C12orf54: variants seen among roughly 807,000 people sequenced by gnomAD.
The protein encoded by C12orf54 is chromosome 12 open reading frame 54, also known as uncharacterized protein C12orf54.
In C12orf54, 24 loss-of-function variants were observed where a neutral mutation model predicts 26.4. The ratio of observed to expected loss-of-function variants is 0.91; its 90% CI spans 0.66 to 1.28. C12orf54 has a LOEUF of 1.28. Among genes scored for constraint, C12orf54 ranks in the 50% most tolerant of loss-of-function variants. The pLI is 0.00. For missense variants in C12orf54, 154 were observed against 150.9 expected (o/e 1.02, Z -0.11); for synonymous variants, 54 against 47.0 (o/e 1.15, Z -0.61).
the C12orf54 span, among the ~76,000 whole-genome samples, chr12:48,460,945 T>C: frequency 1.3e-5 from 2 of 152,032 alleles, no homozygotes; most frequent in Non-Finnish European, 2.9e-5. Context: ...GTCAACTAAA[T>C]ATCTCAATTA....
At position 48,488,939 on chromosome 12, in the gene C12orf54, A is replaced by G; in HGVS notation, c.151A>G (p.Lys51Glu). ...CTTCTGTCAGGTGCTGACAGTTTTT[A>G]AGGATATACAAAAGGAGGTGAGATT... The part of the protein sequence containing the change: ...TLWDQVLTVF[K>E]DIQKELQEDA... The change falls in exon 5 of 9, where the codon AAG becomes GAG. Residue 51 changes from lysine (K) to glutamate (E), a missense_variant. Lys to Glu is a moderately conservative substitution (Grantham distance 56). Coordinates refer to ENST00000548364, the MANE Select transcript of C12orf54 (RefSeq NM_152319.4). 6.2e-7 allele frequency: 1 copy of G among 1,611,012 alleles called. No individual in the cohort carries two copies. Among genetic ancestry groups the G allele is most frequent in the Non-Finnish European group, 8.5e-7 (1 of 1,177,392 alleles).
chr12:48,490,664 G>T, intron 5 of C12orf54, 148 bp from the exon 6 acceptor site: 2 of 880,852 alleles, frequency 2.3e-6, no homozygotes, highest in Admixed American at 4.5e-5. Context: ...AAAAAAGAAA[G>T]AAAGAAATCT....
At chr12:48,461,113 A>G in the C12orf54 span, among the ~76,000 whole-genome samples, 1 of 152,046 alleles carries the variant, frequency 6.6e-6, no homozygotes, top group Non-Finnish European at 1.5e-5. Context: ...AATAAAGTTG[A>G]AGTGACTTTA....
At chr12:48,456,876 C>T in the C12orf54 span, among the ~76,000 whole-genome samples, 1 of 152,062 alleles carries the variant, frequency 6.6e-6, no homozygotes, top group Non-Finnish European at 1.5e-5. Context: ...CTCAGAAACA[C>T]CAAAGTACGA....
chr12:48,483,401 G>T (rs544511113), intron 2 of C12orf54, 40 bp downstream of exon 2: 64 of 1,587,988 alleles, frequency 4.0e-5, no homozygotes, highest in Non-Finnish European at 5.2e-5. Context: ...TCCTTAGATT[G>T]CTATACTCTA....
the C12orf54 span, among the ~76,000 whole-genome samples, chr12:48,449,057 G>A: frequency 6.6e-6 from 1 of 152,336 alleles, no homozygotes; most frequent in African/African-American, 2.4e-5. Context: ...GGTTGAGTTT[G>A]TCTAAAGACC....
chr12:48,439,383 T>C, the C12orf54 span, among the ~76,000 whole-genome samples: 11 of 152,246 alleles, frequency 7.2e-5, no homozygotes, highest in African/African-American at 1.4e-4. Context: ...TTTGACCCAG[T>C]CATCTCATTA....
intron 8 of C12orf54, chr12:48,495,588 T>C (rs1937894848): frequency 6.6e-6 from 1 of 152,654 alleles, no homozygotes; most frequent in Non-Finnish European, 1.5e-5. Context: ...AGAAGAAGAC[T>C]GTCTCAGGTG....
the C12orf54 span, among the ~76,000 whole-genome samples, chr12:48,453,812 T>C: frequency 1.3e-5 from 2 of 151,686 alleles, no homozygotes; most frequent in Non-Finnish European, 2.9e-5. Context: ...TATATTCATC[T>C]ATCTACCTAC....
chr12:48,492,805 G>A (rs1042465120), intron 6 of C12orf54, 142 bp from the exon 7 acceptor site: 17 of 674,940 alleles, frequency 2.5e-5, no homozygotes, highest in Non-Finnish European at 4.0e-5. Context: ...CCTCTCTGAT[G>A]GGCCTGTTAG....
At chr12:48,451,758 A>T in the C12orf54 span, among the ~76,000 whole-genome samples, 54 of 152,332 alleles carry the variant, frequency 3.5e-4, no homozygotes, top group African/African-American at 1.1e-3. Context: ...AATGAATAAA[A>T]TACCTAGGAA....
chr12:48,451,020 T>TA, the C12orf54 span, among the ~76,000 whole-genome samples: 9 of 150,934 alleles, frequency 6.0e-5, no homozygotes, highest in South Asian at 4.2e-4. Context: ...CAAAGATATT[T>TA]AAAAAAAAGA....
chr12:48,465,963 C>T, the C12orf54 span, among the ~76,000 whole-genome samples: 3 of 151,952 alleles, frequency 2.0e-5, no homozygotes, highest in Non-Finnish European at 4.4e-5. Context: ...AAAAGTAAAG[C>T]CTAAAAATTC....
At chr12:48,476,774 T>C in the C12orf54 span, among the ~76,000 whole-genome samples, 14 of 152,102 alleles carry the variant, frequency 9.2e-5, no homozygotes, top group African/African-American at 3.4e-4. Context: ...CAAACAGACT[T>C]AGACTCCCAC....
chr12:48,429,077 C>A, the C12orf54 span, among the ~76,000 whole-genome samples: 3 of 152,170 alleles, frequency 2.0e-5, no homozygotes, highest in Non-Finnish European at 4.4e-5. Flanking sequence ...ACATGATCAT[C>A]TCAATAGATG....
the C12orf54 span, among the ~76,000 whole-genome samples, chr12:48,421,833 A>C: frequency 6.6e-6 from 1 of 152,072 alleles, no homozygotes; most frequent in Admixed American, 6.6e-5. Context: ...CCCAGCCAGC[A>C]TTTTGAATTA....
chr12:48,414,749 G>A, the C12orf54 span, among the ~76,000 whole-genome samples: 92 of 152,290 alleles, frequency 6.0e-4, no homozygotes, highest in East Asian at 0.017. Flanking sequence ...CCTGGGATGG[G>A]CATCCACTCC....
chr12:48,450,416 C>G, the C12orf54 span, among the ~76,000 whole-genome samples: 41 of 152,152 alleles, frequency 2.7e-4, no homozygotes, highest in African/African-American at 9.6e-4. Flanking sequence ...AACATCACAA[C>G]TAAAAGAACT....
the C12orf54 span, among the ~76,000 whole-genome samples, chr12:48,452,276 A>G: frequency 4.6e-5 from 7 of 152,192 alleles, no homozygotes; most frequent in South Asian, 4.1e-4. Context: ...AGAACTGCCT[A>G]GCCATACGCA....
Sources: allele counts gnomAD v4.1 joint callset (sites outside exome capture counted in the v4.1 genomes callset), GRCh38; gene constraint gnomAD v4.1.1; transcripts MANE v1.5; gene names NCBI Gene and HGNC (gene_info 2026-07-23, HGNC 2026-07-21).